The following MYO3B variants were observed in gnomAD, a reference collection of about 807,000 sequenced individuals.
The protein encoded by MYO3B is myosin-IIIb.
Under a neutral mutation model 174.6 loss-of-function variants are expected in MYO3B, and 156 were observed. That is an observed-to-expected ratio of 0.89 (90% CI 0.78 to 1.02). MYO3B has a LOEUF of 1.02. Ranked by LOEUF, MYO3B falls within the 50% of genes least tolerant of loss-of-function variation. The pLI is 0.00. For missense variants in MYO3B, 1,632 were observed against 1,639.4 expected, an observed-to-expected ratio of 1.00 and a Z score of 0.08; for synonymous variants, 563 against 569.1, an observed-to-expected ratio of 0.99 and a Z score of 0.15.
At chr2:170,560,152 C>T (rs74620465) in intron 32 of MYO3B, among the ~76,000 whole-genome samples, 2,653 of 152,304 alleles carry the variant, frequency 0.017, 64 homozygotes, top group East Asian at 0.088. Context: ...CTTCTTTCCA[C>T]TCAAATTATC....
intron 22 of MYO3B, among the ~76,000 whole-genome samples, chr2:170,428,291 A>G (rs1338318616): frequency 2.6e-5 from 4 of 152,238 alleles, no homozygotes; most frequent in African/African-American, 9.6e-5. Context: ...AAGCGAGGCT[A>G]TCATCACCAC....
chr2:170,379,365 T>A (rs900817702), intron 9 of MYO3B, among the ~76,000 whole-genome samples: 2 of 152,112 alleles, frequency 1.3e-5, no homozygotes, highest in Admixed American at 6.5e-5. Context: ...TAGCTAATTT[T>A]TGTATTTTTG....
chr2:170,471,529 C>A (rs569141888), intron 25 of MYO3B, among the ~76,000 whole-genome samples: 1 of 152,110 alleles, frequency 6.6e-6, no homozygotes, highest in East Asian at 1.9e-4. Context: ...TGTAGTTTTA[C>A]CTCTTATATT....
intron 23 of MYO3B, among the ~76,000 whole-genome samples, chr2:170,460,512 A>T (rs1410550822): frequency 1.3e-5 from 2 of 149,022 alleles, no homozygotes; most frequent in Non-Finnish European, 3.0e-5. Flanking sequence ...AAAAAAAAAG[A>T]CATATGACCT....
chr2:170,369,220 AGGTGTCTT>A lies in MYO3B; in HGVS notation c.816-1_822del. The A allele has an allele frequency of 6.2e-7, 1 of 1,611,844 alleles. No individual in the cohort carries two copies. Among genetic ancestry groups the A allele is most frequent in the Non-Finnish European group, 8.5e-7 (1 of 1,178,440 alleles). ...GGATTGTTTGTTGGTTTTTGCAAAC[AGGTGTCTT>A]ATTAAGGATTTTGAAAGGCGACCTT... On this transcript the variant is annotated splice_acceptor_variant and coding_sequence_variant, in exon 9 of 35. Transcript: ENST00000408978. LOFTEE classifies it high-confidence loss of function.
At chr2:170,429,659 C>T (rs906835784) in intron 22 of MYO3B, among the ~76,000 whole-genome samples, 66 of 152,290 alleles carry the variant, frequency 4.3e-4, no homozygotes, top group African/African-American at 1.5e-3. Flanking sequence ...TCTCTGGAAC[C>T]CTCAGGTTTA....
intron 25 of MYO3B, among the ~76,000 whole-genome samples, chr2:170,472,667 TTTTATCTATTTATTTATTTATTTA>T (rs1685042657): frequency 7.3e-6 from 1 of 136,416 alleles, no homozygotes; most frequent in African/African-American, 2.6e-5. Flanking sequence ...TCAGCTCACT[TTTTATCTATTTATTTATTTATTTA>T]TTTATTTATT....
intron 6 of MYO3B, among the ~76,000 whole-genome samples, chr2:170,229,851 A>G (rs1448512114): frequency 6.6e-6 from 1 of 152,214 alleles, no homozygotes; most frequent in African/African-American, 2.4e-5. Context: ...TTTGTGCAAG[A>G]GAGGGTGGAA....
intron 6 of MYO3B, among the ~76,000 whole-genome samples, chr2:170,224,186 G>T (rs2105388739): frequency 6.6e-6 from 1 of 152,294 alleles, no homozygotes; most frequent in South Asian, 2.1e-4. Flanking sequence ...TATGATAGGG[G>T]CTTTTAAAAT....
At chr2:170,572,998 C>G (rs1692541141) in intron 32 of MYO3B, among the ~76,000 whole-genome samples, 1 of 151,690 alleles carries the variant, frequency 6.6e-6, no homozygotes, top group Admixed American at 6.6e-5. Flanking sequence ...TTTAGTTGGT[C>G]TTTGTGTTTT....
intron 32 of MYO3B, among the ~76,000 whole-genome samples, chr2:170,611,236 T>C (rs1002839723): frequency 1.3e-5 from 2 of 152,220 alleles, no homozygotes; most frequent in Non-Finnish European, 2.9e-5. Flanking sequence ...AAAAACACTC[T>C]GCCTCAAAAT....
intron 9 of MYO3B, among the ~76,000 whole-genome samples, chr2:170,372,094 G>A (rs1266455439): frequency 8.2e-6 from 1 of 121,842 alleles, no homozygotes; most frequent in African/African-American, 3.2e-5. Context: ...ATTCCAGCCT[G>A]GGCAACAGAG....
intron 31 of MYO3B, among the ~76,000 whole-genome samples, chr2:170,543,237 G>A (rs138330052): frequency 6.6e-6 from 1 of 152,282 alleles, no homozygotes; most frequent in East Asian, 1.9e-4. Context: ...TGATTTGTCT[G>A]TGCACTCCAC....
At chr2:170,365,010 G>A (rs2094187715) in intron 8 of MYO3B, among the ~76,000 whole-genome samples, 1 of 152,108 alleles carries the variant, frequency 6.6e-6, no homozygotes, top group South Asian at 2.1e-4. Flanking sequence ...TATGACTTCT[G>A]CCTTTACTCC....
At chr2:170,304,431 C>T (rs953471657) in intron 7 of MYO3B, among the ~76,000 whole-genome samples, 1 of 149,994 alleles carries the variant, frequency 6.7e-6, no homozygotes, top group African/African-American at 2.4e-5. Context: ...AATTGTTGCT[C>T]ATTTTTTCAC....
intron 8 of MYO3B, among the ~76,000 whole-genome samples, chr2:170,353,825 C>T (rs188970315): frequency 3.3e-5 from 5 of 152,252 alleles, no homozygotes; most frequent in Admixed American, 6.5e-5. Context: ...GTGGCATTCT[C>T]TTATTAGAGT....
intron 28 of MYO3B, among the ~76,000 whole-genome samples, chr2:170,504,866 A>G (rs4668269): frequency 0.91 from 139,216 of 152,236 alleles, 64,618 homozygotes; most frequent in Non-Finnish European, 1. Context: ...GGTTTCAGTG[A>G]TTCTGACAGC....
chr2:170,573,070 G>C (rs72625219), intron 32 of MYO3B, among the ~76,000 whole-genome samples: 7,037 of 151,782 alleles, frequency 0.046, 361 homozygotes, highest in East Asian at 0.25. Context: ...GTATAAATCT[G>C]TAAGGCAGAA....
intron 5 of MYO3B, among the ~76,000 whole-genome samples, chr2:170,216,384 C>T (rs1217032855): frequency 9.2e-5 from 14 of 152,120 alleles, no homozygotes; most frequent in Admixed American, 7.9e-4. Flanking sequence ...AAGAACCCTC[C>T]GTGTTAGGTG....
Sources: allele counts gnomAD v4.1 joint callset (sites outside exome capture counted in the v4.1 genomes callset), GRCh38; gene constraint gnomAD v4.1.1; transcripts MANE v1.5; gene names NCBI Gene and HGNC (gene_info 2026-07-23, HGNC 2026-07-21).